ADGRL2: variants seen among roughly 807,000 people sequenced by gnomAD.
ADGRL2 encodes adhesion G protein-coupled receptor L2.
Under a neutral mutation model 157.4 loss-of-function variants are expected in ADGRL2, and 44 were observed. That is an observed-to-expected ratio of 0.28 (90% CI 0.22 to 0.36). The LOEUF (loss-of-function observed/expected upper bound fraction) is 0.36. ADGRL2 is among the 10% of genes least tolerant of loss of function. The pLI, the probability that ADGRL2 is intolerant of heterozygous loss-of-function variation, is 1.00. For missense variants in ADGRL2, 1,510 were observed against 1,768.9 expected (o/e 0.85, Z 2.63); for synonymous variants, 585 against 624.7 (o/e 0.94, Z 0.95).
At chr1:81,504,614 G>A (rs2078929550) in intron 2 of ADGRL2, among the ~76,000 whole-genome samples, 1 of 152,190 alleles carries the variant, frequency 6.6e-6, no homozygotes, top group South Asian at 2.1e-4. Context: ...CAGTGAGGAG[G>A]TGGGTGGAGG....
chr1:81,830,957 C>T (rs2091903046), intron 1 of ADGRL2, among the ~76,000 whole-genome samples: 1 of 151,894 alleles, frequency 6.6e-6, no homozygotes, highest in African/African-American at 2.4e-5. Flanking sequence ...ATATATAGAC[C>T]AAGAGGGAAT....
At chr1:81,923,488 C>G (rs889868050) in intron 3 of ADGRL2, among the ~76,000 whole-genome samples, 6 of 151,932 alleles carry the variant, frequency 3.9e-5, no homozygotes, top group Non-Finnish European at 7.4e-5. Flanking sequence ...TTTGGCCTTC[C>G]CTACTTGCTC....
intron 1 of ADGRL2, among the ~76,000 whole-genome samples, chr1:81,385,392 A>G (rs1338999548): frequency 6.6e-6 from 1 of 152,142 alleles, no homozygotes; most frequent in African/African-American, 2.4e-5. Flanking sequence ...AGATGTTCAT[A>G]TTACTGCATT....
chr1:81,603,081 CT>C (rs1051260181), intron 3 of ADGRL2, among the ~76,000 whole-genome samples: 1 of 152,080 alleles, frequency 6.6e-6, no homozygotes, highest in Non-Finnish European at 1.5e-5. Context: ...TTTTCTCTCT[CT>C]TTTTTTCTCC....
chr1:81,377,939 G>A (rs1326529196), intron 1 of ADGRL2, among the ~76,000 whole-genome samples: 5 of 152,156 alleles, frequency 3.3e-5, no homozygotes, highest in Admixed American at 1.3e-4. Flanking sequence ...CCAACACTTT[G>A]GGAGGCTGAG....
intron 1 of ADGRL2, among the ~76,000 whole-genome samples, chr1:81,748,012 G>A (rs1033122441): frequency 2.6e-5 from 4 of 152,048 alleles, no homozygotes; most frequent in Non-Finnish European, 5.9e-5. Context: ...TTCTTTTACA[G>A]ATGGATGCTA....
intron 1 of ADGRL2, among the ~76,000 whole-genome samples, chr1:81,346,237 T>G (rs770948100): frequency 2.0e-5 from 3 of 152,174 alleles, no homozygotes; most frequent in Non-Finnish European, 4.4e-5. Context: ...ATGAAAATTA[T>G]CCATTATGCT....
At chr1:81,498,549 C>G (rs770539070) in intron 2 of ADGRL2, among the ~76,000 whole-genome samples, 5 of 152,126 alleles carry the variant, frequency 3.3e-5, no homozygotes, top group Non-Finnish European at 5.9e-5. Context: ...AAGCAAAGAG[C>G]CGGAACATCT....
intron 3 of ADGRL2, among the ~76,000 whole-genome samples, chr1:81,916,470 G>T (rs745854866): frequency 4.6e-5 from 7 of 151,864 alleles, no homozygotes; most frequent in Admixed American, 3.3e-4. Flanking sequence ...TTGTAATTTG[G>T]CATTTTCTTC....
At chr1:81,324,477 C>G (rs552151111) in intron 1 of ADGRL2, among the ~76,000 whole-genome samples, 6 of 149,798 alleles carry the variant, frequency 4.0e-5, no homozygotes, top group African/African-American at 1.5e-4. Context: ...CTACTGAACT[C>G]TAGCCTGAGT....
chr1:81,466,327 G>C (rs1350040114), intron 2 of ADGRL2, among the ~76,000 whole-genome samples: 1 of 152,126 alleles, frequency 6.6e-6, no homozygotes, highest in Admixed American at 6.6e-5. Flanking sequence ...CAAAGTGTAG[G>C]CTGAAGGTAC....
At chr1:81,328,213 C>T (rs1441992284) in intron 1 of ADGRL2, among the ~76,000 whole-genome samples, 1 of 152,124 alleles carries the variant, frequency 6.6e-6, no homozygotes, top group Non-Finnish European at 1.5e-5. Context: ...GGAAGAATTT[C>T]TACCAACTAC....
rs185949131 is a variant in ADGRL2 at position 81,772,460 on chromosome 1, G to A, written c.-101+10608G>A. On this transcript the variant is annotated intron_variant, in intron 2 of 20. Transcript: ENST00000359929. ...AAAAAATGTACAGGCTGGGCACCAC[G>A]GCTCACACCTGTAATCCCAGCACTG... Among the ~76,000 whole-genome samples the A allele has an allele frequency of 9.6e-4, 146 of 152,018 alleles. 1 individual carries two copies. Among genetic ancestry groups the A allele is most frequent in the Admixed American group, 7.3e-3 (111 of 15,256 alleles).
intron 3 of ADGRL2, 145 bp from the exon 4 acceptor site, chr1:81,936,583 T>A: frequency 2.1e-6 from 1 of 475,402 alleles, no homozygotes; most frequent in South Asian, 4.7e-5. Context: ...AAATATTTAA[T>A]AATGTAGAGT....
chr1:81,457,301 T>A (rs1019847975), intron 2 of ADGRL2, among the ~76,000 whole-genome samples: 2 of 152,186 alleles, frequency 1.3e-5, no homozygotes, highest in Non-Finnish European at 2.9e-5. Flanking sequence ...TTTCCTATTT[T>A]TAAAAACTTC....
At chr1:81,712,970 C>A (rs986133238) in intron 1 of ADGRL2, among the ~76,000 whole-genome samples, 1 of 151,952 alleles carries the variant, frequency 6.6e-6, no homozygotes, top group Non-Finnish European at 1.5e-5. Context: ...GTTGGCCAGG[C>A]TGGTCTCAAA....
Position 81,950,261 on chromosome 1 carries a change from C to T in ADGRL2, c.1283C>T (p.Thr428Ile). The T allele has an allele frequency of 6.2e-7, 1 of 1,614,084 alleles. No homozygotes were observed. Among genetic ancestry groups the T allele is most frequent in the Non-Finnish European group, 8.5e-7 (1 of 1,179,960 alleles). The change falls in exon 7 of 24, where the codon ACT becomes ATT. Residue 428 changes from threonine (T) to isoleucine (I), a missense_variant. Physicochemically the swap from Thr to Ile is moderately conservative, Grantham distance 89 (BLOSUM62 -1). This residue lies in a region of ADGRL2 where 325 missense variants were observed against 333.2 expected (regional missense o/e 0.98). Coordinates refer to ENST00000686636, the MANE Select transcript of ADGRL2 (RefSeq NM_001366006.2). ...ACCATAATATCAACCACAAGCACTA[C>T]TTCACAGAAAGGCCCCATGAGCACA... ...FKTIISTTST[T>I]SQKGPMSTTV...
intron 2 of ADGRL2, among the ~76,000 whole-genome samples, chr1:81,900,988 G>A (rs2094475271): frequency 6.6e-6 from 1 of 152,176 alleles, no homozygotes; most frequent in Non-Finnish European, 1.5e-5. Flanking sequence ...TGTGAGGGCA[G>A]AGATTCTGCA....
At chr1:81,605,638 A>G (rs2081417718) in intron 3 of ADGRL2, among the ~76,000 whole-genome samples, 1 of 152,208 alleles carries the variant, frequency 6.6e-6, no homozygotes, top group Non-Finnish European at 1.5e-5. Context: ...TGATGCCATC[A>G]GCTACTTCCA....
Sources: allele counts gnomAD v4.1 joint callset (sites outside exome capture counted in the v4.1 genomes callset), GRCh38; gene constraint gnomAD v4.1.1; regional missense constraint gnomAD v4.1.1; transcripts MANE v1.5; gene names NCBI Gene and HGNC (gene_info 2026-07-23, HGNC 2026-07-21).